Variants in GSK3B observed in about 807,000 individuals in gnomAD.
GSK3B encodes glycogen synthase kinase 3 beta.
A neutral mutation model predicts 56.4 loss-of-function variants in GSK3B; 15 were observed. The ratio of observed to expected loss-of-function variants is 0.27; its 90% CI spans 0.18 to 0.41. The LOEUF is 0.41. Ranked by LOEUF, GSK3B falls within the 10% of genes least tolerant of loss-of-function variation. The pLI, the probability that GSK3B is intolerant of heterozygous loss-of-function variation, is 1.00. For missense variants in GSK3B, 300 were observed against 513.4 expected, an observed-to-expected ratio of 0.58 and a Z score of 4.02; for synonymous variants, 181 against 188.9, an observed-to-expected ratio of 0.96 and a Z score of 0.34.
intron 9 of GSK3B, among the ~76,000 whole-genome samples, chr3:119,847,138 G>C (rs149989740): frequency 0.019 from 2,850 of 152,092 alleles, 32 homozygotes; most frequent in Non-Finnish European, 0.032. Flanking sequence ...GGCCTGTTGC[G>C]GGGTAGGGGG....
rs912797714 is a variant in GSK3B at position 119,918,298 on chromosome 3, C to A, written c.478-2124G>T. Among the ~76,000 whole-genome samples the A allele has an allele frequency of 2.6e-5, 4 of 151,726 alleles. No homozygotes were observed. The East Asian group carries it at 7.8e-4, about 29-fold the overall frequency. The stretch of plus-strand genomic sequence containing the variant: ...CCACCCTGGGGGCAACATGGTGAAA[C>A]CCCGTCTCTACTAAAATGCAAAAAA... On this transcript the variant is annotated intron_variant, in intron 4 of 10. Transcript: ENST00000264235.
chr3:120,083,562 GA>G (rs1315155296), intron 1 of GSK3B, among the ~76,000 whole-genome samples: 1 of 151,954 alleles, frequency 6.6e-6, no homozygotes, highest in East Asian at 1.9e-4. Flanking sequence ...AAAAGCAAAG[GA>G]AAAAATGTGA....
chr3:119,916,529 C>T (rs754563777), intron 4 of GSK3B, among the ~76,000 whole-genome samples: 140 of 152,126 alleles, frequency 9.2e-4, no homozygotes, highest in Non-Finnish European at 1.5e-3. Context: ...AGAGAGGCAC[C>T]CCAAATCATG....
chr3:119,967,943 C>T (rs1367278213), intron 2 of GSK3B, among the ~76,000 whole-genome samples: 1 of 151,826 alleles, frequency 6.6e-6, no homozygotes, highest in Admixed American at 6.6e-5. Context: ...AGAACCTCTG[C>T]CTCCCGGATT....
At chr3:119,881,834 G>C (rs1408846853) in intron 7 of GSK3B, among the ~76,000 whole-genome samples, 3 of 152,162 alleles carry the variant, frequency 2.0e-5, no homozygotes, top group Non-Finnish European at 4.4e-5. Flanking sequence ...GCAGTAGTTT[G>C]TCCCATGCTG....
At chr3:119,960,732 T>C (rs2057263763) in intron 2 of GSK3B, among the ~76,000 whole-genome samples, 3 of 152,234 alleles carry the variant, frequency 2.0e-5, no homozygotes, top group Admixed American at 2.0e-4. Context: ...TCAGCAATCC[T>C]TAAACCCCTT....
intron 5 of GSK3B, among the ~76,000 whole-genome samples, chr3:119,914,202 A>G (rs2056760807): frequency 6.6e-6 from 1 of 151,946 alleles, no homozygotes; most frequent in Non-Finnish European, 1.5e-5. Flanking sequence ...GCCCCTTTTC[A>G]TCTAGTAAAA....
intron 7 of GSK3B, among the ~76,000 whole-genome samples, chr3:119,881,848 T>G (rs1341627754): frequency 6.6e-6 from 1 of 152,196 alleles, no homozygotes; most frequent in Non-Finnish European, 1.5e-5. Context: ...CATGCTGTTC[T>G]CATTATAGTG....
intron 8 of GSK3B, among the ~76,000 whole-genome samples, chr3:119,872,263 C>A (rs1037828990): frequency 1.3e-5 from 2 of 151,968 alleles, no homozygotes; most frequent in Non-Finnish European, 2.9e-5. Context: ...GGGAATAGGA[C>A]AAATACTAAA....
rs1404005977 is a variant in GSK3B, at chr3:119,821,628, T to C, written c.*5160A>G. 2.0e-5 allele frequency: 3 copies of C among 152,374 alleles called. No individual in the cohort carries two copies. The East Asian group carries it at 5.8e-4, about 29-fold the overall frequency. The allele number at this position is 152,374 out of a possible 1,614,324, so 9.4% of individuals were successfully genotyped here. On this transcript the variant is annotated 3_prime_UTR_variant, in exon 11 of 11. Transcript: ENST00000264235. ...CAGCCACACCAAATCATGAACACAG[T>C]AATCAAAGACAGCAGCTTATACACA... is the stretch of plus-strand genomic sequence containing the variant.
At chr3:119,841,046 G>GC (rs758874222) in intron 10 of GSK3B, among the ~76,000 whole-genome samples, 13 of 152,162 alleles carry the variant, frequency 8.5e-5, no homozygotes, top group African/African-American at 1.7e-4. Flanking sequence ...CTCAAGGCAT[G>GC]CATTTCTCTA....
intron 2 of GSK3B, among the ~76,000 whole-genome samples, chr3:119,985,765 T>G (rs1180382439): frequency 6.6e-6 from 1 of 152,182 alleles, no homozygotes; most frequent in African/African-American, 2.4e-5. Context: ...CTGCCCAAAG[T>G]AATTTATAGA....
At chr3:119,891,065 T>C (rs184610828) in intron 7 of GSK3B, among the ~76,000 whole-genome samples, 2 of 151,854 alleles carry the variant, frequency 1.3e-5, no homozygotes, top group Admixed American at 1.3e-4. Context: ...CAGGTGACAA[T>C]AGTATAGCAA....
chr3:119,920,996 A>G (rs1470796651), intron 4 of GSK3B, among the ~76,000 whole-genome samples: 2 of 152,168 alleles, frequency 1.3e-5, no homozygotes, highest in Non-Finnish European at 2.9e-5. Context: ...CTCCCACTAA[A>G]AGAACAAGGT....
chr3:120,025,404 G>GA (rs985454482), intron 1 of GSK3B, among the ~76,000 whole-genome samples: 1 of 151,812 alleles, frequency 6.6e-6, no homozygotes, highest in Non-Finnish European at 1.5e-5. Context: ...GCAAAGAACA[G>GA]AAAAAAACAC....
chr3:119,833,118 T>TC (rs577669120), intron 10 of GSK3B: 1 of 220,924 alleles, frequency 4.5e-6, no homozygotes, highest in Non-Finnish European at 7.5e-6. Flanking sequence ...GCTGTCTGCA[T>TC]CCCCCCACCC....
chr3:120,004,937 A>G (rs1001454529), intron 1 of GSK3B, among the ~76,000 whole-genome samples: 12 of 152,210 alleles, frequency 7.9e-5, no homozygotes, highest in Non-Finnish European at 1.2e-4. Flanking sequence ...TGACAAGATG[A>G]CAGAAGTAGG....
chr3:119,855,744 C>G (rs950205761), intron 9 of GSK3B, among the ~76,000 whole-genome samples: 7 of 151,918 alleles, frequency 4.6e-5, no homozygotes, highest in Non-Finnish European at 1.0e-4. Context: ...AAACCAAACA[C>G]TGCATGTTCT....
chr3:119,983,043 G>A (rs1267587257), intron 2 of GSK3B, among the ~76,000 whole-genome samples: 1 of 152,132 alleles, frequency 6.6e-6, no homozygotes, highest in Non-Finnish European at 1.5e-5. Flanking sequence ...AGAAAGTGGA[G>A]GCCAATATTC....
Sources: allele counts gnomAD v4.1 joint callset (sites outside exome capture counted in the v4.1 genomes callset), GRCh38; gene constraint gnomAD v4.1.1; transcripts MANE v1.5; gene names NCBI Gene and HGNC (gene_info 2026-07-23, HGNC 2026-07-21).